ROBO2: variants seen among roughly 807,000 people sequenced by gnomAD.
The protein encoded by ROBO2 is roundabout guidance receptor 2, also known as roundabout homolog 2.
In ROBO2, 53 loss-of-function variants were observed where a neutral mutation model predicts 160.8. The observed-to-expected ratio is 0.33, with a 90% CI of 0.26 to 0.41. ROBO2 has a LOEUF of 0.41. Among genes scored for constraint, ROBO2 ranks in the 10% least tolerant of loss-of-function variants. ROBO2 has a pLI of 1.00. For missense variants in ROBO2, 1,577 were observed against 1,722.4 expected, an observed-to-expected ratio of 0.92 and a Z score of 1.49; for synonymous variants, 664 against 611.7, an observed-to-expected ratio of 1.09 and a Z score of -1.26.
intron 2 of ROBO2, among the ~76,000 whole-genome samples, chr3:76,255,172 C>G (rs1385190598): frequency 6.6e-6 from 1 of 152,018 alleles, no homozygotes; most frequent in Non-Finnish European, 1.5e-5. Flanking sequence ...CGACCTGTAG[C>G]TAAAGGGAGA....
chr3:76,778,520 T>C (rs1199052090), intron 2 of ROBO2, among the ~76,000 whole-genome samples: 1 of 151,036 alleles, frequency 6.6e-6, no homozygotes, highest in Non-Finnish European at 1.5e-5. Context: ...TAAATGAACG[T>C]TGTTGTTTGA....
intron 2 of ROBO2, among the ~76,000 whole-genome samples, chr3:77,355,052 A>G (rs1242443027): frequency 1.4e-5 from 2 of 147,962 alleles, no homozygotes; most frequent in East Asian, 3.9e-4. Flanking sequence ...CATCTCTACA[A>G]CCAAAACACA....
At position 77,276,728 on chromosome 3, in the gene ROBO2, A is replaced by T. The variant is rs554067593; in HGVS notation, c.388+178388A>T. Among the ~76,000 whole-genome samples the T allele has an allele frequency of 2.6e-5, 4 of 152,312 alleles. No homozygotes were observed. In the South Asian group the frequency reaches 8.3e-4, roughly 32 times the overall value. On this transcript the variant is annotated intron_variant, in intron 2 of 25. Coordinates refer to ENST00000461745, the Ensembl canonical transcript of ROBO2. Reference sequence around the variant, plus strand: ...TGGAGTCTGTTCTCACGTGGCTAATAAAAACATACCCAAGATTGGGTAATG... The same window carrying T: ...TGGAGTCTGTTCTCACGTGGCTAATTAAAACATACCCAAGATTGGGTAATG...
chr3:76,568,554 C>T (rs1407729900), intron 2 of ROBO2, among the ~76,000 whole-genome samples: 2 of 152,028 alleles, frequency 1.3e-5, no homozygotes, highest in South Asian at 2.1e-4. Context: ...GATCCACCCG[C>T]CTCGGCCTCC....
chr3:76,173,543 C>T (rs561131013), intron 2 of ROBO2, among the ~76,000 whole-genome samples: 8 of 151,534 alleles, frequency 5.3e-5, no homozygotes, highest in Non-Finnish European at 7.4e-5. Context: ...CCCCAATGTG[C>T]GATATTCCGC....
intron 2 of ROBO2, among the ~76,000 whole-genome samples, chr3:76,523,505 T>C (rs1020187291): frequency 7.2e-5 from 11 of 152,048 alleles, no homozygotes; most frequent in Non-Finnish European, 1.2e-4. Flanking sequence ...CACAGAGAGT[T>C]AGTGTCAGCC....
At chr3:76,889,158 T>G (rs2148804976) in intron 2 of ROBO2, among the ~76,000 whole-genome samples, 1 of 152,274 alleles carries the variant, frequency 6.6e-6, no homozygotes, top group African/African-American at 2.4e-5. Flanking sequence ...ATATTTACAA[T>G]GATAGAGAGA....
intron 6 of ROBO2, among the ~76,000 whole-genome samples, chr3:77,526,668 T>C (rs2091192646): frequency 6.6e-6 from 1 of 151,652 alleles, no homozygotes; most frequent in African/African-American, 2.4e-5. Flanking sequence ...TTACCACTGA[T>C]TTTAGTGATT....
chr3:76,437,160 C>T (rs1304753744), intron 2 of ROBO2, among the ~76,000 whole-genome samples: 1 of 151,898 alleles, frequency 6.6e-6, no homozygotes. Flanking sequence ...GCTTTTGAAA[C>T]TTTAATTAAC....
At chr3:76,354,726 T>C (rs1394150412) in intron 2 of ROBO2, among the ~76,000 whole-genome samples, 1 of 151,786 alleles carries the variant, frequency 6.6e-6, no homozygotes, top group Non-Finnish European at 1.5e-5. Flanking sequence ...GGAAACGTAA[T>C]GAAAAAATTA....
At chr3:76,444,974 T>C (rs1416946556) in intron 2 of ROBO2, among the ~76,000 whole-genome samples, 1 of 152,180 alleles carries the variant, frequency 6.6e-6, no homozygotes, top group East Asian at 1.9e-4. Flanking sequence ...TTTTGTTTTT[T>C]CCCTGAGGTT....
At chr3:76,773,035 C>A (rs140339633) in intron 2 of ROBO2, among the ~76,000 whole-genome samples, 1 of 150,830 alleles carries the variant, frequency 6.6e-6, no homozygotes, top group Non-Finnish European at 1.5e-5. Context: ...AAGTTAAAGG[C>A]GAAATGAGAT....
chr3:77,606,667 A>C (rs775709), intron 20 of ROBO2, among the ~76,000 whole-genome samples: 82,800 of 152,044 alleles, frequency 0.54, 22,862 homozygotes, highest in Middle Eastern at 0.69. Flanking sequence ...TAAATTACAT[A>C]ATATTCAACG....
At chr3:75,951,560 A>G (rs761379177) in intron 2 of ROBO2, among the ~76,000 whole-genome samples, 3 of 152,120 alleles carry the variant, frequency 2.0e-5, no homozygotes, top group Non-Finnish European at 4.4e-5. Flanking sequence ...TATTTATGAG[A>G]AATTAATGGT....
chr3:76,049,616 T>A (rs2107808254), intron 2 of ROBO2, among the ~76,000 whole-genome samples: 1 of 151,890 alleles, frequency 6.6e-6, no homozygotes, highest in Non-Finnish European at 1.5e-5. Flanking sequence ...CTAAATATTT[T>A]CTAAGTAAAG....
chr3:77,414,147 C>G (rs1430123900), intron 2 of ROBO2, among the ~76,000 whole-genome samples: 1 of 152,156 alleles, frequency 6.6e-6, no homozygotes, highest in African/African-American at 2.4e-5. Context: ...AAATGAGTGT[C>G]TTATTCTGTT....
intron 2 of ROBO2, among the ~76,000 whole-genome samples, chr3:75,958,855 C>T (rs1948808836): frequency 6.6e-6 from 1 of 151,726 alleles, no homozygotes. Flanking sequence ...CACCTGGTAA[C>T]TTTGAGTTAA....
intron 2 of ROBO2, among the ~76,000 whole-genome samples, chr3:75,948,909 A>G (rs985016233): frequency 6.6e-6 from 1 of 152,106 alleles, no homozygotes; most frequent in African/African-American, 2.4e-5. Flanking sequence ...TCTGGTTAAC[A>G]TCTGTTAGGA....
At chr3:77,587,082 G>A (rs2094070661) in intron 16 of ROBO2, among the ~76,000 whole-genome samples, 1 of 152,002 alleles carries the variant, frequency 6.6e-6, no homozygotes, top group Non-Finnish European at 1.5e-5. Flanking sequence ...TCACAGCTCA[G>A]ACCAATATGG....
Sources: gnomAD v4.1 joint callset for allele counts (sites outside exome capture counted in the v4.1 genomes callset) on GRCh38, gnomAD v4.1.1 for gene constraint, MANE v1.5 for transcripts, NCBI Gene and HGNC (gene_info 2026-07-23, HGNC 2026-07-21) for gene names.